STIM1: variants seen among roughly 807,000 people sequenced by gnomAD.
STIM1 encodes stromal interaction molecule 1.
Under a neutral mutation model 74.7 loss-of-function variants are expected in STIM1, and 25 were observed. That is an observed-to-expected ratio of 0.33 (90% CI 0.24 to 0.47). The LOEUF (loss-of-function observed/expected upper bound fraction) is 0.47, where lower values mean the gene tolerates loss of function less well. Among genes scored for constraint, STIM1 ranks in the 20% least tolerant of loss-of-function variants. STIM1 has a pLI of 1.00. For synonymous variants in STIM1, 328 were observed against 348.8 expected (o/e 0.94, Z 0.66); for missense variants, 728 against 920.8 (o/e 0.79, Z 2.71).
rs200963440 is a variant in STIM1, at chr11:4,082,189, G to C, written c.975G>C (p.Arg325=). 1.5e-5 allele frequency: 25 copies of C among 1,613,978 alleles called. No homozygotes were observed. The highest frequency in any genetic ancestry group is 1.5e-5 in the Non-Finnish European group (18 of 1,180,046). The change falls in exon 8 of 13, where the codon CGG becomes CGC. Residue 325 remains arginine, a synonymous_variant. Transcript: ENST00000526596. The part of the protein sequence containing the change: ...KYAEEELEQV[R]EALRKAEKEL... Reference sequence around the variant, plus strand: ...ACATCCTTTTGGCTGCCTAGGTTCGGGAGGCCTTGAGGAAAGCAGAGAAGG... The same window carrying C: ...ACATCCTTTTGGCTGCCTAGGTTCGCGAGGCCTTGAGGAAAGCAGAGAAGG...
Position 4,091,943 on chromosome 11 carries a change from C to T in STIM1, c.*145C>T. 1 of 1,096,156 alleles carries T rather than the reference C, an allele frequency of 9.1e-7. No homozygotes were observed. 67.9% of individuals were successfully genotyped at this position (1,096,156 alleles called of 1,614,324 possible). On this transcript the variant is annotated 3_prime_UTR_variant, in exon 13 of 13. Transcript: ENST00000526596. ...GGGTCTGGGCACTGTACATACCTGC[C>T]CCCTCATCCTTGGGTCCTTCATTAT...
chr11:3,953,350 G>A (rs2093171438), intron 1 of STIM1, among the ~76,000 whole-genome samples: 1 of 152,174 alleles, frequency 6.6e-6, no homozygotes, highest in South Asian at 2.1e-4. Flanking sequence ...AATGGTTCAA[G>A]CCCAGATGGA....
intron 1 of STIM1, among the ~76,000 whole-genome samples, chr11:3,896,400 G>C (rs1346646127): frequency 6.6e-6 from 1 of 152,158 alleles, no homozygotes; most frequent in African/African-American, 2.4e-5. Context: ...CACGATCATA[G>C]AGCTAAGTGG....
intron 1 of STIM1, among the ~76,000 whole-genome samples, chr11:3,919,215 G>GT (rs955531254): frequency 6.6e-6 from 1 of 152,082 alleles, no homozygotes; most frequent in Non-Finnish European, 1.5e-5. Flanking sequence ...ACCAAACTGT[G>GT]TTTTTTTGAG....
chr11:3,922,335 T>C (rs1315991783), intron 1 of STIM1, among the ~76,000 whole-genome samples: 1 of 152,228 alleles, frequency 6.6e-6, no homozygotes, highest in Non-Finnish European at 1.5e-5. Context: ...TGTATATGTG[T>C]ATTTAATATC....
At chr11:3,957,459 A>G (rs951396618) in intron 1 of STIM1, among the ~76,000 whole-genome samples, 3 of 151,852 alleles carry the variant, frequency 2.0e-5, no homozygotes, top group Admixed American at 2.0e-4. Context: ...GGCTTTCACC[A>G]TGTTGGCCAG....
chr11:3,955,949 C>T (rs1405934726), intron 1 of STIM1, among the ~76,000 whole-genome samples: 5 of 151,428 alleles, frequency 3.3e-5, no homozygotes, highest in African/African-American at 1.2e-4. Flanking sequence ...TTACTGCTCC[C>T]TGTGCAGCAG....
At chr11:3,872,796 C>T (rs1025647322) in intron 1 of STIM1, among the ~76,000 whole-genome samples, 4 of 152,134 alleles carry the variant, frequency 2.6e-5, no homozygotes, top group African/African-American at 9.7e-5. Flanking sequence ...GCTAGGATTA[C>T]AGGCGTGAGC....
intron 1 of STIM1, among the ~76,000 whole-genome samples, chr11:3,942,795 G>A (rs933677051): frequency 8.5e-5 from 13 of 152,294 alleles, no homozygotes; most frequent in African/African-American, 2.9e-4. Context: ...AAGGCCATTT[G>A]TGGTACCAGC....
chr11:3,928,518 C>T (rs192733130), intron 1 of STIM1, among the ~76,000 whole-genome samples: 27 of 152,250 alleles, frequency 1.8e-4, no homozygotes, highest in Middle Eastern at 3.4e-3. Context: ...TGAGCCACAA[C>T]GCTCGGCTGC....
chr11:3,908,189 C>G (rs893864255), intron 1 of STIM1, among the ~76,000 whole-genome samples: 1 of 152,184 alleles, frequency 6.6e-6, no homozygotes, highest in African/African-American at 2.4e-5. Flanking sequence ...TATTTGTTGA[C>G]TGAATGAACA....
At chr11:4,046,261 C>G (rs1401056208) in intron 3 of STIM1, among the ~76,000 whole-genome samples, 1 of 151,882 alleles carries the variant, frequency 6.6e-6, no homozygotes, top group Non-Finnish European at 1.5e-5. Context: ...TCCTTCTTTT[C>G]TCAACGGTAT....
chr11:4,070,480 C>T (rs913080335), intron 6 of STIM1, among the ~76,000 whole-genome samples: 20 of 152,298 alleles, frequency 1.3e-4, no homozygotes, highest in African/African-American at 3.4e-4. Flanking sequence ...CTTCCCATTG[C>T]TTGTTATGGG....
chr11:3,961,793 C>T (rs1393116913), intron 1 of STIM1, among the ~76,000 whole-genome samples: 1 of 152,172 alleles, frequency 6.6e-6, no homozygotes, highest in Non-Finnish European at 1.5e-5. Flanking sequence ...CAGGCGTGAG[C>T]CACTGCGCCC....
intron 2 of STIM1, among the ~76,000 whole-genome samples, chr11:3,978,011 T>C (rs2093465276): frequency 6.6e-6 from 1 of 152,160 alleles, no homozygotes; most frequent in South Asian, 2.1e-4. Flanking sequence ...GCCAGGACAC[T>C]GTAGGAGGCA....
At chr11:3,958,182 G>A (rs1296691205) in intron 1 of STIM1, among the ~76,000 whole-genome samples, 7 of 152,078 alleles carry the variant, frequency 4.6e-5, no homozygotes, top group African/African-American at 7.2e-5. Flanking sequence ...TTTGATGAGC[G>A]ACCTCAGGGA....
At chr11:4,013,690 CTTTTTTTTTTTTTTTTT>C (rs1169600270) in intron 2 of STIM1, among the ~76,000 whole-genome samples, 1 of 51,912 alleles carries the variant, frequency 1.9e-5, no homozygotes, top group Non-Finnish European at 3.2e-5. Flanking sequence ...TCATTGATTT[CTTTTTTTTTTTTTTTTT>C]TTTTTTTTTT....
At chr11:4,022,689 G>A (rs997109846) in intron 2 of STIM1, among the ~76,000 whole-genome samples, 1 of 152,160 alleles carries the variant, frequency 6.6e-6, no homozygotes, top group Non-Finnish European at 1.5e-5. Flanking sequence ...ATCAACTGAA[G>A]TCTCAGTCAC....
chr11:3,949,296 A>G (rs1328016591), intron 1 of STIM1, among the ~76,000 whole-genome samples: 1 of 152,218 alleles, frequency 6.6e-6, no homozygotes, highest in Admixed American at 6.5e-5. Flanking sequence ...AACATCATGT[A>G]CAAAGCCACA....
Sources: allele counts gnomAD v4.1 joint callset (sites outside exome capture counted in the v4.1 genomes callset), GRCh38; gene constraint gnomAD v4.1.1; transcripts MANE v1.5; gene names NCBI Gene and HGNC (gene_info 2026-07-23, HGNC 2026-07-21).